The following REC114 variants were observed in gnomAD, a reference collection of about 807,000 sequenced individuals.
REC114 encodes the protein meiotic recombination protein REC114.
In REC114, 27 loss-of-function variants were observed where a neutral mutation model predicts 31.3. The observed-to-expected ratio is 0.86, with a 90% CI of 0.64 to 1.19. The LOEUF is 1.19. Among genes scored for constraint, REC114 ranks in the 50% most tolerant of loss-of-function variants. The pLI is 0.00. For synonymous variants in REC114, 134 were observed against 127.7 expected (o/e 1.05, Z -0.33); for missense variants, 344 against 326.9 (o/e 1.05, Z -0.40).
intron 2 of REC114, among the ~76,000 whole-genome samples, chr15:73,484,774 ATGG>A (rs1247640666): frequency 4.6e-5 from 7 of 152,316 alleles, no homozygotes; most frequent in African/African-American, 1.7e-4. Flanking sequence ...GAAACACAGA[ATGG>A]TTTTGAGACA....
At chr15:73,557,592 C>T (rs1894491083) in intron 5 of REC114, among the ~76,000 whole-genome samples, 1 of 152,134 alleles carries the variant, frequency 6.6e-6, no homozygotes, top group South Asian at 2.1e-4. Context: ...AGCAGCAGGA[C>T]TAATGCCCAT....
chr15:73,538,640 T>C (rs1241791837), intron 2 of REC114, among the ~76,000 whole-genome samples: 2 of 151,892 alleles, frequency 1.3e-5, no homozygotes, highest in Non-Finnish European at 2.9e-5. Context: ...GTATTTTTAC[T>C]AGAGACAGGG....
intron 2 of REC114, among the ~76,000 whole-genome samples, chr15:73,496,933 T>A (rs1176712920): frequency 1.4e-4 from 22 of 152,134 alleles, no homozygotes; most frequent in South Asian, 6.2e-4. Flanking sequence ...TCTTTATTTT[T>A]TTTTTTTTTT....
chr15:73,534,103 C>T (rs1894122814), intron 2 of REC114, among the ~76,000 whole-genome samples: 1 of 143,392 alleles, frequency 7.0e-6, no homozygotes. Flanking sequence ...CCAAAATTGA[C>T]ACCCTAACAT....
intron 1 of REC114, among the ~76,000 whole-genome samples, chr15:73,457,656 T>C (rs1892935956): frequency 6.6e-6 from 1 of 152,198 alleles, no homozygotes; most frequent in African/African-American, 2.4e-5. Context: ...ACCTATTGAC[T>C]TGAGAGCTGT....
Position 73,504,060 on chromosome 15 carries a change from G to A in REC114, c.249+30139G>A, listed in dbSNP as rs557793653. 2.0e-3 allele frequency among the ~76,000 whole-genome samples: 258 copies of A among 128,954 alleles called. 1 individual carries two copies. Among genetic ancestry groups the A allele is most frequent in the Middle Eastern group, 4.6e-3 (1 of 218 alleles). The allele number at this position is 128,954 out of a possible 152,430, so 84.6% of individuals were successfully genotyped here. A position where few individuals can be genotyped will look rare whatever the true frequency, so the allele number is the denominator to read the frequency against. On this transcript the variant is annotated intron_variant, in intron 2 of 5. Transcript: ENST00000331090. The stretch of plus-strand genomic sequence containing the variant: ...CTTGCTCTGTCACCCAGGCTGGAGC[G>A]CAGTGGTGCAATCTTGGCTCACTGC...
At position 73,550,344 on chromosome 15, in the gene REC114, C is replaced by T. The variant is rs116187303; in HGVS notation, c.334-594C>T. Among the ~76,000 whole-genome samples the T allele has an allele frequency of 3.9e-3, 595 of 152,222 alleles. 2 individuals are homozygous for T. The highest frequency in any genetic ancestry group is 0.013 in the African/African-American group (554 of 41,528). On this transcript the variant is annotated intron_variant, in intron 3 of 5. Coordinates refer to ENST00000331090, the MANE Select transcript of REC114 (RefSeq NM_001042367.2). ...TTTGCTAATTTGCCAAGGGATGTGACTCATACAGCAAATTAAAGACAGCCT... is the reference window on the plus strand; with the variant it reads ...TTTGCTAATTTGCCAAGGGATGTGATTCATACAGCAAATTAAAGACAGCCT...
Position 73,543,050 on chromosome 15 carries a change from C to T in REC114, c.333+2482C>T, listed in dbSNP as rs186159632. ...GTTCATTTATCCAAATCCTCTCCAA[C>T]GTGGTGATACAATTTAAATTCAAAA... is the stretch of plus-strand genomic sequence containing the variant. On this transcript the variant is annotated intron_variant, in intron 3 of 5. Coordinates refer to ENST00000331090, the MANE Select transcript of REC114 (RefSeq NM_001042367.2). Among the ~76,000 whole-genome samples, 115 of 151,750 alleles carry T rather than the reference C, an allele frequency of 7.6e-4. No individual in the cohort carries two copies. The East Asian group carries it at 0.021, about 28-fold the overall frequency.
At chr15:73,486,711 G>A (rs545408025) in intron 2 of REC114, among the ~76,000 whole-genome samples, 2 of 152,212 alleles carry the variant, frequency 1.3e-5, no homozygotes, top group East Asian at 1.9e-4. Context: ...GGAGGACTGC[G>A]GTATCCTTAC....
At chr15:73,532,746 A>T (rs1295766371) in intron 2 of REC114, among the ~76,000 whole-genome samples, 1 of 152,188 alleles carries the variant, frequency 6.6e-6, no homozygotes, top group South Asian at 2.1e-4. Flanking sequence ...AGATTCACCA[A>T]AGTTGAAATA....
chr15:73,551,029 A>G lies in REC114; in HGVS notation c.425A>G (p.Gln142Arg), dbSNP rs201378628. Reference sequence around the variant, plus strand: ...TGCAGTTGTGTTCAGAAGCTGGCACAATACATAACCGTGCAGGTGCCTGAT... The same window carrying G: ...TGCAGTTGTGTTCAGAAGCTGGCACGATACATAACCGTGCAGGTGCCTGAT... ...HCCSCVQKLA[Q>R]YITVQVPDGN... The change falls in exon 4 of 6, where the codon CAA becomes CGA. Residue 142 changes from glutamine (Q) to arginine (R), a missense_variant. Physicochemically the swap from Gln to Arg is conservative, Grantham distance 43 (BLOSUM62 1). Transcript: ENST00000331090. The G allele has an allele frequency of 1.7e-4, 275 of 1,613,930 alleles. No homozygotes were observed. The highest frequency in any genetic ancestry group is 3.3e-4 in the Admixed American group (20 of 60,006).
chr15:73,502,737 G>A (rs768578245), intron 2 of REC114, among the ~76,000 whole-genome samples: 2 of 152,150 alleles, frequency 1.3e-5, no homozygotes, highest in Admixed American at 6.5e-5. Context: ...CATGTAATTA[G>A]TTTTAGATTC....
intron 2 of REC114, among the ~76,000 whole-genome samples, chr15:73,479,644 T>C (rs772484702): frequency 6.6e-6 from 1 of 152,148 alleles, no homozygotes; most frequent in Non-Finnish European, 1.5e-5. Flanking sequence ...CTATGAATTT[T>C]ACTATTTTAG....
intron 2 of REC114, among the ~76,000 whole-genome samples, chr15:73,488,272 T>G (rs1007247113): frequency 2.0e-5 from 3 of 152,246 alleles, no homozygotes; most frequent in African/African-American, 7.2e-5. Context: ...CTTAATGAAT[T>G]GTATCTGGCT....
chr15:73,557,768 T>C (rs1894493121), intron 5 of REC114, among the ~76,000 whole-genome samples: 1 of 152,196 alleles, frequency 6.6e-6, no homozygotes, highest in Non-Finnish European at 1.5e-5. Flanking sequence ...AAGAACCATA[T>C]ACAAATGAGA....
At chr15:73,476,833 T>C (rs1347034313) in intron 2 of REC114, among the ~76,000 whole-genome samples, 1 of 152,246 alleles carries the variant, frequency 6.6e-6, no homozygotes, top group Non-Finnish European at 1.5e-5. Context: ...TGAATAACAC[T>C]ACTGAATATT....
intron 2 of REC114, among the ~76,000 whole-genome samples, chr15:73,489,392 G>A (rs1412904046): frequency 6.6e-6 from 1 of 151,664 alleles, no homozygotes. Flanking sequence ...TTTTAGTAGA[G>A]ATGGGGTTTC....
At chr15:73,540,346 TG>T in intron 2 of REC114, 138 bp from the exon 3 acceptor site, 3 of 720,664 alleles carry the variant, frequency 4.2e-6, no homozygotes, top group Non-Finnish European at 7.5e-6. Context: ...CCTTGGCAAC[TG>T]GTTTTATTGA....
chr15:73,469,656 C>T (rs1460188074), intron 1 of REC114, among the ~76,000 whole-genome samples: 1 of 150,384 alleles, frequency 6.6e-6, no homozygotes, highest in Admixed American at 6.6e-5. Context: ...TCTCAAATTC[C>T]TGGCCTTAGG....
Sources: gnomAD v4.1 joint callset for allele counts (sites outside exome capture counted in the v4.1 genomes callset) on GRCh38, gnomAD v4.1.1 for gene constraint, MANE v1.5 for transcripts, NCBI Gene and HGNC (gene_info 2026-07-23, HGNC 2026-07-21) for gene names.